The following NPAS2 variants were observed in gnomAD, a reference collection of about 807,000 sequenced individuals.
NPAS2 encodes neuronal PAS domain protein 2.
Under a neutral mutation model 107.5 loss-of-function variants are expected in NPAS2, and 23 were observed. The ratio of observed to expected loss-of-function variants is 0.21; its 90% CI spans 0.15 to 0.30. The LOEUF (loss-of-function observed/expected upper bound fraction) is 0.30. NPAS2 is among the 10% of genes least tolerant of loss of function. The pLI is 1.00. For synonymous variants in NPAS2, 403 were observed against 417.5 expected (o/e 0.97, Z 0.42); for missense variants, 756 against 1,043.3 (o/e 0.72, Z 3.79).
intron 7 of NPAS2, among the ~76,000 whole-genome samples, chr2:100,950,081 G>A (rs1047197940): frequency 2.0e-4 from 30 of 152,164 alleles, no homozygotes; most frequent in African/African-American, 5.3e-4. Context: ...AACTCTGAAC[G>A]AGACTAAAAC....
At chr2:100,869,978 C>A (rs1679479639) in intron 1 of NPAS2, among the ~76,000 whole-genome samples, 2 of 147,118 alleles carry the variant, frequency 1.4e-5, no homozygotes, top group Non-Finnish European at 3.0e-5. Flanking sequence ...GATCTTGGCT[C>A]ACTGCAAGCT....
At chr2:100,892,682 G>C (rs553057178) in intron 1 of NPAS2, among the ~76,000 whole-genome samples, 1 of 152,186 alleles carries the variant, frequency 6.6e-6, no homozygotes, top group Non-Finnish European at 1.5e-5. Flanking sequence ...CGGCTCTCAG[G>C]CTTTCACTGT....
At chr2:100,897,549 C>G (rs929036875) in intron 1 of NPAS2, among the ~76,000 whole-genome samples, 2 of 152,170 alleles carry the variant, frequency 1.3e-5, no homozygotes, top group African/African-American at 2.4e-5. Flanking sequence ...TGGGCTGTTC[C>G]TCGCTTTCCT....
intron 2 of NPAS2, among the ~76,000 whole-genome samples, chr2:100,921,336 A>T (rs1573624970): frequency 1.3e-5 from 2 of 152,224 alleles, no homozygotes; most frequent in South Asian, 4.1e-4. Context: ...GAATGGATGT[A>T]AAGCTCTTAA....
At chr2:100,961,792 AT>A (rs1347800671) in intron 7 of NPAS2, among the ~76,000 whole-genome samples, 1 of 152,208 alleles carries the variant, frequency 6.6e-6, no homozygotes, top group African/African-American at 2.4e-5. Context: ...GAGCACAGGA[AT>A]GTAACAGCTG....
At chr2:100,900,503 C>T (rs1294047662) in intron 1 of NPAS2, among the ~76,000 whole-genome samples, 1 of 152,082 alleles carries the variant, frequency 6.6e-6, no homozygotes, top group Non-Finnish European at 1.5e-5. Flanking sequence ...GGAAAACAGC[C>T]TGGCAGTTTT....
At chr2:100,988,629 C>T (rs370406688) in intron 17 of NPAS2, 5 of 340,528 alleles carry the variant, frequency 1.5e-5, no homozygotes, top group African/African-American at 1.1e-4. Context: ...TCCCAACACT[C>T]AACGTCCATG....
Position 100,995,736 on chromosome 2 carries a change from GCA to G in NPAS2, c.*155_*156del. On this transcript the variant is annotated 3_prime_UTR_variant, in exon 21 of 21. Coordinates refer to ENST00000335681, the MANE Select transcript of NPAS2 (RefSeq NM_002518.4). ...CCTGGATGGTAACCATCTCTGGAGTGCAGCGCTTGCTGCAGTGGAAATGATCA... is the reference window on the plus strand; with the variant it reads ...CCTGGATGGTAACCATCTCTGGAGTGGCGCTTGCTGCAGTGGAAATGATCA... The G allele has an allele frequency of 6.5e-7, 1 of 1,549,622 alleles. No homozygotes were observed. Among genetic ancestry groups the G allele is most frequent in the African/African-American group, 1.4e-5 (1 of 73,178 alleles).
chr2:100,841,559 G>T (rs751041318), intron 1 of NPAS2, among the ~76,000 whole-genome samples: 5 of 152,342 alleles, frequency 3.3e-5, no homozygotes, highest in Non-Finnish European at 7.3e-5. Context: ...CTAAGATCTT[G>T]CTGTGGGCCT....
In NPAS2 at chr2:100,837,454, A is replaced by AT. The variant is rs938212527; in HGVS notation, c.-23+17047dup. 5.9e-5 allele frequency among the ~76,000 whole-genome samples: 9 copies of AT among 152,038 alleles called. No individual in the cohort carries two copies. The East Asian group carries it at 7.8e-4, about 13-fold the overall frequency. Reference sequence around the variant, plus strand: ...AGGCATGCGCCATCACGTCCAGCTAATTTTTTTGTATTTTTAGTAGAGACG... The same window carrying AT: ...AGGCATGCGCCATCACGTCCAGCTAATTTTTTTTGTATTTTTAGTAGAGACG... On this transcript the variant is annotated intron_variant, in intron 1 of 20. Coordinates refer to ENST00000335681, the MANE Select transcript of NPAS2 (RefSeq NM_002518.4).
chr2:100,857,104 G>A (rs1225188942), intron 1 of NPAS2, among the ~76,000 whole-genome samples: 2 of 152,056 alleles, frequency 1.3e-5, no homozygotes, highest in Non-Finnish European at 2.9e-5. Context: ...GCAGGAGTTC[G>A]AGACCAGCCT....
At chr2:100,898,752 GA>G (rs1352009894) in intron 1 of NPAS2, among the ~76,000 whole-genome samples, 1 of 149,046 alleles carries the variant, frequency 6.7e-6, no homozygotes, top group African/African-American at 2.5e-5. Flanking sequence ...GTAATAATTG[GA>G]TCTACCACTT....
chr2:100,876,784 C>G (rs1327178869), intron 1 of NPAS2, among the ~76,000 whole-genome samples: 1 of 152,104 alleles, frequency 6.6e-6, no homozygotes, highest in African/African-American at 2.4e-5. Context: ...GCCATGCACA[C>G]CAAGCTCCTA....
At chr2:100,963,635 C>G (rs922856825) in intron 7 of NPAS2, among the ~76,000 whole-genome samples, 1 of 152,100 alleles carries the variant, frequency 6.6e-6, no homozygotes, top group African/African-American at 2.4e-5. Context: ...ATGGTGGTCT[C>G]GAACTTCTGG....
chr2:100,882,376 A>G lies in NPAS2; in HGVS notation c.-22-22357A>G, dbSNP rs575024740. ...TGTAATCCCAGCACTTTGGGAGGCC[A>G]AGGTGGGCGGATCACAAGGTCAGGA... On this transcript the variant is annotated intron_variant, in intron 1 of 20. Transcript: ENST00000335681. 1.1e-3 allele frequency among the ~76,000 whole-genome samples: 165 copies of G among 152,226 alleles called. 4 individuals carry two copies. The East Asian group carries it at 0.018, about 16-fold the overall frequency.
Position 100,995,989 on chromosome 2 carries a change from G to A in NPAS2, c.*407G>A, listed in dbSNP as rs1558952995. ...TCTTGATCGTCTTTCCTTTGTATTGGAGAAGGACTGGGTCAGAGATCTGTT... is the reference window on the plus strand; with the variant it reads ...TCTTGATCGTCTTTCCTTTGTATTGAAGAAGGACTGGGTCAGAGATCTGTT... On this transcript the variant is annotated 3_prime_UTR_variant, in exon 21 of 21. Transcript: ENST00000335681. 3 of 1,266,756 alleles carry A rather than the reference G, an allele frequency of 2.4e-6. No individual in the cohort carries two copies. The highest frequency in any genetic ancestry group is 1.5e-5 in the African/African-American group (1 of 65,542). 78.5% of individuals were successfully genotyped at this position (1,266,756 alleles called of 1,614,324 possible). A position where few individuals can be genotyped will look rare whatever the true frequency, so the allele number is the denominator to read the frequency against.
chr2:100,821,212 G>A, intron 1 of NPAS2: 1 of 1,301,344 alleles, frequency 7.7e-7, no homozygotes. Flanking sequence ...AAGAAAGTTT[G>A]TTTCAGCCCT....
chr2:100,834,274 G>A lies in NPAS2; in HGVS notation c.-23+13860G>A, dbSNP rs142862921. On this transcript the variant is annotated intron_variant, in intron 1 of 20. Transcript: ENST00000335681. ...GGCGCACTCTCCACCCAGAGGTTTTGGGAGGGCCACGCCACAGGCCAACTA... is the reference window on the plus strand; with the variant it reads ...GGCGCACTCTCCACCCAGAGGTTTTAGGAGGGCCACGCCACAGGCCAACTA... Among the ~76,000 whole-genome samples the A allele has an allele frequency of 4.6e-5, 7 of 152,292 alleles. No homozygotes were observed. The East Asian group carries it at 1.4e-3, about 29-fold the overall frequency.
intron 7 of NPAS2, among the ~76,000 whole-genome samples, chr2:100,958,066 C>A (rs906892706): frequency 2.6e-5 from 4 of 152,318 alleles, no homozygotes; most frequent in Non-Finnish European, 5.9e-5. Context: ...GTGTGTCTGA[C>A]AAATCCAGAA....
Sources: gnomAD v4.1 joint callset for allele counts (sites outside exome capture counted in the v4.1 genomes callset) on GRCh38, gnomAD v4.1.1 for gene constraint, MANE v1.5 for transcripts, NCBI Gene and HGNC (gene_info 2026-07-23, HGNC 2026-07-21) for gene names.